Variants in GABRB2 observed in about 807,000 individuals in gnomAD.
The protein encoded by GABRB2 is gamma-aminobutyric acid receptor subunit beta-2.
In GABRB2, 16 loss-of-function variants were observed where a neutral mutation model predicts 54.7. The ratio of observed to expected loss-of-function variants is 0.29; its 90% CI spans 0.20 to 0.44. GABRB2 has a LOEUF of 0.44. Ranked by LOEUF, GABRB2 falls within the 20% of genes least tolerant of loss-of-function variation. The pLI, the probability that GABRB2 is intolerant of heterozygous loss-of-function variation, is 1.00. For synonymous variants in GABRB2, 244 were observed against 233.8 expected (o/e 1.04, Z -0.40); for missense variants, 355 against 644.0 (o/e 0.55, Z 4.86).
chr5:161,447,042 G>A (rs1377292150), intron 4 of GABRB2, among the ~76,000 whole-genome samples: 1 of 152,112 alleles, frequency 6.6e-6, no homozygotes, highest in Non-Finnish European at 1.5e-5. Flanking sequence ...TACCAGCAGT[G>A]AGGCTAATAA....
At chr5:161,309,429 C>T (rs565837589) in intron 9 of GABRB2, among the ~76,000 whole-genome samples, 99 of 152,210 alleles carry the variant, frequency 6.5e-4, no homozygotes, top group African/African-American at 2.3e-3. Flanking sequence ...TTAGTTCAAC[C>T]ATTGTGGGAG....
At chr5:161,526,518 GT>G (rs1760285876) in intron 3 of GABRB2, among the ~76,000 whole-genome samples, 1 of 151,182 alleles carries the variant, frequency 6.6e-6, no homozygotes, top group African/African-American at 2.4e-5. Flanking sequence ...GGACAACAGA[GT>G]TTAGACACAG....
chr5:161,372,120 C>T (rs997271251), intron 5 of GABRB2, among the ~76,000 whole-genome samples: 1 of 152,096 alleles, frequency 6.6e-6, no homozygotes, highest in Non-Finnish European at 1.5e-5. Flanking sequence ...GTAAACAGGC[C>T]AAATCAGATC....
At position 161,516,525 on chromosome 5, in the gene GABRB2, G is replaced by A. The variant is rs1581051256; in HGVS notation, c.237+28702C>T. 2.6e-5 allele frequency among the ~76,000 whole-genome samples: 4 copies of A among 152,228 alleles called. No individual in the cohort carries two copies. The East Asian group carries it at 5.8e-4, about 22-fold the overall frequency. On this transcript the variant is annotated intron_variant, in intron 3 of 9. Transcript: ENST00000393959. ...AGAAAGGCAATGAAACTTCTCCAAAGATAAATAATAAGGGAGCAAACAAAT... is the reference window on the plus strand; with the variant it reads ...AGAAAGGCAATGAAACTTCTCCAAAAATAAATAATAAGGGAGCAAACAAAT...
chr5:161,442,012 C>CA (rs1378506486), intron 4 of GABRB2, among the ~76,000 whole-genome samples: 1 of 151,840 alleles, frequency 6.6e-6, no homozygotes, highest in African/African-American at 2.4e-5. Context: ...TTATTGCGTA[C>CA]AAAAATAGAA....
intron 3 of GABRB2, among the ~76,000 whole-genome samples, chr5:161,528,710 C>T (rs1760361076): frequency 1.3e-5 from 2 of 151,734 alleles, no homozygotes; most frequent in African/African-American, 4.8e-5. Flanking sequence ...AAATATTAGG[C>T]ATATATGTAG....
intron 9 of GABRB2, among the ~76,000 whole-genome samples, chr5:161,298,194 T>C (rs1219303762): frequency 6.6e-6 from 1 of 152,216 alleles, no homozygotes; most frequent in African/African-American, 2.4e-5. Flanking sequence ...GTCAGATGAA[T>C]AGATTCCAAA....
intron 4 of GABRB2, among the ~76,000 whole-genome samples, chr5:161,451,788 T>C (rs1230431908): frequency 6.6e-6 from 1 of 152,178 alleles, no homozygotes; most frequent in South Asian, 2.1e-4. Context: ...ATATATAAGA[T>C]GAATGTTTTC....
chr5:161,507,339 C>T (rs1561675729), intron 3 of GABRB2, among the ~76,000 whole-genome samples: 1 of 151,800 alleles, frequency 6.6e-6, no homozygotes, highest in Non-Finnish European at 1.5e-5. Context: ...TAGTATTGTC[C>T]CAACGTTAAT....
At chr5:161,519,544 G>T (rs1360579839) in intron 3 of GABRB2, among the ~76,000 whole-genome samples, 1 of 152,010 alleles carries the variant, frequency 6.6e-6, no homozygotes, top group East Asian at 1.9e-4. Flanking sequence ...GGATGTAACA[G>T]TTATTTAATA....
At chr5:161,524,676 A>G (rs1760219659) in intron 3 of GABRB2, among the ~76,000 whole-genome samples, 1 of 151,396 alleles carries the variant, frequency 6.6e-6, no homozygotes, top group Non-Finnish European at 1.5e-5. Flanking sequence ...ATTCTTTAAA[A>G]TAGATTAATA....
intron 4 of GABRB2, among the ~76,000 whole-genome samples, chr5:161,439,706 CTGCTTGTA>C (rs1757408792): frequency 6.6e-6 from 1 of 151,682 alleles, no homozygotes. Context: ...TTTTGCTTGT[CTGCTTGTA>C]TGCTTACGCA....
At chr5:161,499,532 T>C (rs1759362086) in intron 3 of GABRB2, among the ~76,000 whole-genome samples, 2 of 152,300 alleles carry the variant, frequency 1.3e-5, no homozygotes, top group Middle Eastern at 3.4e-3. Context: ...AGTGTAACTA[T>C]CTCCAAATGA....
rs140957214 is a variant in GABRB2 at position 161,517,543 on chromosome 5, T to C, written c.237+27684A>G. Among the ~76,000 whole-genome samples the C allele has an allele frequency of 9.5e-4, 144 of 152,298 alleles. 1 individual carries two copies. The highest frequency in any genetic ancestry group is 3.2e-3 in the African/African-American group (134 of 41,570). Reference sequence around the variant, plus strand: ...CTTTTTTAATGTATGTGCATCCTCATTGTTGCCTGGAAAAACACTTGAGGG... The same window carrying C: ...CTTTTTTAATGTATGTGCATCCTCACTGTTGCCTGGAAAAACACTTGAGGG... On this transcript the variant is annotated intron_variant, in intron 3 of 9. Transcript: ENST00000393959.
At chr5:161,473,499 C>T (rs535104249) in intron 3 of GABRB2, among the ~76,000 whole-genome samples, 3 of 151,946 alleles carry the variant, frequency 2.0e-5, no homozygotes, top group South Asian at 4.2e-4. Flanking sequence ...CACAAATTGA[C>T]GATTTCATTT....
intron 9 of GABRB2, among the ~76,000 whole-genome samples, chr5:161,319,763 C>G (rs1758154037): frequency 6.6e-6 from 1 of 151,750 alleles, no homozygotes; most frequent in African/African-American, 2.4e-5. Flanking sequence ...ATTTTCATGT[C>G]TGATAGAATT....
intron 3 of GABRB2, among the ~76,000 whole-genome samples, chr5:161,468,099 C>T (rs1317879466): frequency 6.6e-6 from 1 of 152,038 alleles, no homozygotes; most frequent in Non-Finnish European, 1.5e-5. Flanking sequence ...GTTTAAGGCA[C>T]TATTATTTAC....
At chr5:161,452,601 T>C (rs1283455468) in intron 4 of GABRB2, among the ~76,000 whole-genome samples, 3 of 152,182 alleles carry the variant, frequency 2.0e-5, no homozygotes, top group Non-Finnish European at 2.9e-5. Flanking sequence ...TATTTAATAT[T>C]TGGGTGATGG....
chr5:161,332,160 C>A (rs1239606704), intron 7 of GABRB2, among the ~76,000 whole-genome samples: 1 of 105,980 alleles, frequency 9.4e-6, no homozygotes, highest in Non-Finnish European at 1.8e-5. Context: ...AGCAAGACTC[C>A]GTCTCAAAAA....
Sources: allele counts gnomAD v4.1 joint callset (sites outside exome capture counted in the v4.1 genomes callset), GRCh38; gene constraint gnomAD v4.1.1; transcripts MANE v1.5; gene names NCBI Gene and HGNC (gene_info 2026-07-23, HGNC 2026-07-21).